Variants in RAB4A observed in about 807,000 individuals in gnomAD.
RAB4A encodes the protein RAB4A, member RAS oncogene family.
In RAB4A, 20 loss-of-function variants were observed where a neutral mutation model predicts 34.5. The observed-to-expected ratio is 0.58, with a 90% CI of 0.41 to 0.84. The LOEUF (loss-of-function observed/expected upper bound fraction) is 0.84. Ranked by LOEUF, RAB4A falls within the 40% of genes least tolerant of loss-of-function variation. The pLI, the probability that RAB4A is intolerant of heterozygous loss-of-function variation, is 0.00. For missense variants in RAB4A, 228 were observed against 274.5 expected (o/e 0.83, Z 1.20); for synonymous variants, 102 against 100.0 (o/e 1.02, Z -0.12).
At chr1:229,271,750 C>T (rs569017763) in intron 1 of RAB4A, among the ~76,000 whole-genome samples, 1 of 152,344 alleles carries the variant, frequency 6.6e-6, no homozygotes, top group South Asian at 2.1e-4. Context: ...CCCAGCGAGC[C>T]TGTGAAGGGC....
At chr1:229,284,068 G>A (rs578242052) in intron 1 of RAB4A, among the ~76,000 whole-genome samples, 4 of 132,120 alleles carry the variant, frequency 3.0e-5, no homozygotes, top group African/African-American at 5.7e-5. Flanking sequence ...TTCTAGGGTG[G>A]TTTTTTTTGT....
chr1:229,296,153 A>G (rs887467562), intron 4 of RAB4A, among the ~76,000 whole-genome samples: 2 of 152,246 alleles, frequency 1.3e-5, no homozygotes, highest in Admixed American at 6.5e-5. Context: ...AAAGCAATCC[A>G]TGCTATTACA....
At position 229,305,599 on chromosome 1, in the gene RAB4A, A is replaced by G. The variant is rs1276286605; in HGVS notation, c.*1806A>G. 1.4e-5 allele frequency: 3 copies of G among 207,276 alleles called. No homozygotes were observed. Among genetic ancestry groups the G allele is most frequent in the African/African-American group, 4.6e-5 (2 of 43,812 alleles). The allele number at this position is 207,276 out of a possible 1,614,324, so 12.8% of individuals were successfully genotyped here. On this transcript the variant is annotated 3_prime_UTR_variant, in exon 8 of 8. Transcript: ENST00000366690. ...GGCTAGTAATAAATGTCATGTTTCT[A>G]TTTCCCGCAACTCATTAAGTTTTCA...
intron 3 of RAB4A, among the ~76,000 whole-genome samples, chr1:229,289,564 C>T (rs1285075922): frequency 1.3e-5 from 2 of 152,180 alleles, no homozygotes; most frequent in African/African-American, 4.8e-5. Context: ...CCTGTAATCC[C>T]AGCACTTTGG....
intron 1 of RAB4A, among the ~76,000 whole-genome samples, chr1:229,284,091 TTGG>T (rs1558236482): frequency 1.0e-4 from 15 of 144,746 alleles, no homozygotes; most frequent in African/African-American, 3.9e-4. Flanking sequence ...TTGGTGTTGT[TTGG>T]TTTTTTTTTT....
chr1:229,286,425 C>A, intron 1 of RAB4A, 61 bp from the exon 2 acceptor site: 1 of 1,013,994 alleles, frequency 9.9e-7, no homozygotes, highest in Non-Finnish European at 1.5e-6. Flanking sequence ...TGATCGTGAT[C>A]TAAGAAGAAA....
intron 1 of RAB4A, among the ~76,000 whole-genome samples, chr1:229,274,993 G>A (rs370476294): frequency 6.6e-6 from 1 of 152,092 alleles, no homozygotes; most frequent in Non-Finnish European, 1.5e-5. Flanking sequence ...TACAGTATTT[G>A]CCATATAATT....
intron 1 of RAB4A, among the ~76,000 whole-genome samples, chr1:229,285,047 C>G (rs778082092): frequency 6.6e-6 from 1 of 152,194 alleles, no homozygotes; most frequent in East Asian, 1.9e-4. Context: ...CTCTGTCACC[C>G]AAGCTGGGGT....
intron 6 of RAB4A, 89 bp downstream of exon 6, chr1:229,299,161 A>AT: frequency 1.1e-6 from 1 of 915,938 alleles, no homozygotes; most frequent in Non-Finnish European, 1.6e-6. Flanking sequence ...TTTCAGGGTG[A>AT]TTTAGTAAAG....
At chr1:229,286,826 C>G (rs758328483) in intron 2 of RAB4A, among the ~76,000 whole-genome samples, 6 of 152,144 alleles carry the variant, frequency 3.9e-5, no homozygotes, top group Non-Finnish European at 7.3e-5. Flanking sequence ...TTGAAGATAG[C>G]AGAGGGGTTC....
chr1:229,282,331 TG>T, intron 1 of RAB4A, among the ~76,000 whole-genome samples: 1 of 152,342 alleles, frequency 6.6e-6, no homozygotes, highest in East Asian at 1.9e-4. Context: ...CTTGTAGATA[TG>T]GTATCATTTT....
chr1:229,282,601 T>C (rs1430514035), intron 1 of RAB4A, among the ~76,000 whole-genome samples: 1 of 152,240 alleles, frequency 6.6e-6, no homozygotes, highest in African/African-American at 2.4e-5. Context: ...CTGCAGGTCC[T>C]TGAGGCTCTG....
At position 229,288,788 on chromosome 1, in the gene RAB4A, G is replaced by C; in HGVS notation, c.172G>C (p.Gly58Arg). 5 of 1,598,468 alleles carry C rather than the reference G, an allele frequency of 3.1e-6. No individual in the cohort carries two copies. The highest frequency in any genetic ancestry group is 2.6e-6 in the Non-Finnish European group (3 of 1,166,856). ...ATTTGGTTCAAAGATAATAAATGTT[G>C]GTGGTAAATATGTAAAGTTACAAAT... ...VEFGSKIINV[G>R]GKYVKLQIWD... Residue 58 changes from glycine (G) to arginine (R), a missense_variant, in exon 3 of 8, where the codon GGT (glycine) becomes CGT (arginine). Transcript: ENST00000366690.
intron 6 of RAB4A, among the ~76,000 whole-genome samples, chr1:229,301,267 C>T (rs1571837172): frequency 1.3e-5 from 2 of 151,990 alleles, no homozygotes; most frequent in Non-Finnish European, 2.9e-5. Context: ...GGAGAAATTC[C>T]AGCATGTTTA....
rs557434780 is a variant in RAB4A at position 229,289,204 on chromosome 1, G to C, written c.227+361G>C. On this transcript the variant is annotated intron_variant, in intron 3 of 7. Coordinates refer to ENST00000366690, the MANE Select transcript of RAB4A (RefSeq NM_004578.4). Reference sequence around the variant, plus strand: ...TTAAAGAAGAACTTTTTAAAACCTTGTGAGGGTTTGTTTTGTTTTACATTA... The same window carrying C: ...TTAAAGAAGAACTTTTTAAAACCTTCTGAGGGTTTGTTTTGTTTTACATTA... 5.9e-4 allele frequency: 110 copies of C among 184,966 alleles called. 2 individuals carry two copies. Among genetic ancestry groups the C allele is most frequent in the South Asian group, 4.5e-3 (38 of 8,426 alleles). 11.5% of individuals were successfully genotyped at this position (184,966 alleles called of 1,614,324 possible). A position where few individuals can be genotyped will look rare whatever the true frequency, so the allele number is the denominator to read the frequency against.
chr1:229,278,579 G>A (rs998506012), intron 1 of RAB4A, among the ~76,000 whole-genome samples: 3 of 152,164 alleles, frequency 2.0e-5, no homozygotes, highest in African/African-American at 7.2e-5. Context: ...GGTCTCTGTT[G>A]TTTAAAACTA....
intron 1 of RAB4A, among the ~76,000 whole-genome samples, chr1:229,281,145 G>A (rs1332161947): frequency 2.6e-5 from 4 of 152,082 alleles, no homozygotes; most frequent in African/African-American, 9.7e-5. Context: ...TGAATGTCTA[G>A]GAGTGCAGTT....
At chr1:229,273,531 G>A (rs145156572) in intron 1 of RAB4A, among the ~76,000 whole-genome samples, 12 of 152,346 alleles carry the variant, frequency 7.9e-5, no homozygotes, top group African/African-American at 2.9e-4. Context: ...CTTGAGCTCA[G>A]GAGTTCAATA....
intron 7 of RAB4A, among the ~76,000 whole-genome samples, chr1:229,303,453 G>A (rs746664617): frequency 6.6e-6 from 1 of 152,168 alleles, no homozygotes; most frequent in Non-Finnish European, 1.5e-5. Context: ...TTATGCTCTT[G>A]TTCAGAAAGA....
Sources: allele counts gnomAD v4.1 joint callset (sites outside exome capture counted in the v4.1 genomes callset), GRCh38; gene constraint gnomAD v4.1.1; transcripts MANE v1.5; gene names NCBI Gene and HGNC (gene_info 2026-07-23, HGNC 2026-07-21).